Variants in SERPINC1 observed in about 807,000 individuals in gnomAD.
SERPINC1 encodes antithrombin-III.
In SERPINC1, 12 loss-of-function variants were observed where a neutral mutation model predicts 43.4. That is an observed-to-expected ratio of 0.28 (90% CI 0.18 to 0.45). SERPINC1 has a LOEUF of 0.45. Among genes scored for constraint, SERPINC1 ranks in the 20% least tolerant of loss-of-function variants. The pLI is 1.00. For synonymous variants in SERPINC1, 210 were observed against 218.9 expected (o/e 0.96, Z 0.36); for missense variants, 423 against 578.8 (o/e 0.73, Z 2.76).
rs1428296288 is a variant in SERPINC1, at chr1:173,909,411, T to G, written c.1153+141A>C. Reference sequence around the variant, plus strand: ...TGAGGTCTCAAAAGGAAAAGAGATTTCCACAAATTAGCAGTAGAAACTAGG... The same window carrying G: ...TGAGGTCTCAAAAGGAAAAGAGATTGCCACAAATTAGCAGTAGAAACTAGG... On this transcript the variant is annotated intron_variant, in intron 5 of 6. Transcript: ENST00000367698. 2.0e-5 allele frequency: 17 copies of G among 863,214 alleles called. No homozygotes were observed. In the African/African-American group the frequency reaches 2.4e-4, roughly 12 times the overall value. The allele number at this position is 863,214 out of a possible 1,614,324, so 53.5% of individuals were successfully genotyped here.
chr1:173,915,158 T>C, intron 1 of SERPINC1: 1 of 1,412,270 alleles, frequency 7.1e-7, no homozygotes, highest in Non-Finnish European at 9.2e-7. Context: ...TGATGGTTAT[T>C]TGGAGTATTA....
Position 173,903,956 on chromosome 1 carries a change from A to C in SERPINC1, c.1328T>G (p.Phe443Cys). 6.2e-7 allele frequency: 1 copy of C among 1,614,212 alleles called. No individual in the cohort carries two copies. Among genetic ancestry groups the C allele is most frequent in the Non-Finnish European group, 8.5e-7 (1 of 1,180,022 alleles). Residue 443 changes from phenylalanine (F) to cysteine (C), a missense_variant, in exon 7 of 7, where the codon TTT (phenylalanine) becomes TGT (cysteine). By Grantham distance (205) the Phe-to-Cys change is radical. Coordinates refer to ENST00000367698, the MANE Select transcript of SERPINC1 (RefSeq NM_000488.4). ...AGTGTTCAGAGGAACTTCTCTTATA[A>C]AAACCAGGAAAGGCCTGTTGGCCTT... ...TFKANRPFLV[F>C]IREVPLNTII...
rs2227618 is a variant in SERPINC1 at position 173,904,376 on chromosome 1, C to T, written c.1219-311G>A. Among the ~76,000 whole-genome samples the T allele has an allele frequency of 2.6e-3, 392 of 152,140 alleles. 2 individuals carry two copies. The highest frequency in any genetic ancestry group is 8.6e-3 in the African/African-American group (357 of 41,512). On this transcript the variant is annotated intron_variant, in intron 6 of 6. Transcript: ENST00000367698. ...GGTACCATTGTAAATGGTTTTACAGCGGATTTTTTTTGTACCAGCCGCTGA... is the reference window on the plus strand; with the variant it reads ...GGTACCATTGTAAATGGTTTTACAGTGGATTTTTTTTGTACCAGCCGCTGA...
chr1:173,915,544 C>T (rs546677911), intron 1 of SERPINC1, among the ~76,000 whole-genome samples: 10 of 152,120 alleles, frequency 6.6e-5, no homozygotes, highest in Admixed American at 2.6e-4. Flanking sequence ...GGTGTGGTGG[C>T]GCACACCTGT....
rs58759841 is a variant in SERPINC1 at position 173,905,724 on chromosome 1, GA to G, written c.1219-1660del. 7.9e-4 allele frequency among the ~76,000 whole-genome samples: 117 copies of G among 147,876 alleles called. 2 individuals carry two copies. In the East Asian group the frequency reaches 0.017, roughly 22 times the overall value. ...CGAGAGAGCAAGACTCCATTTCAAT[GA>G]AAAAAAAAAATCTCATTAGGAGACC... On this transcript the variant is annotated intron_variant, in intron 6 of 6. Transcript: ENST00000367698.
intron 6 of SERPINC1, among the ~76,000 whole-genome samples, chr1:173,904,318 T>G (rs1657392511): frequency 6.6e-6 from 1 of 152,164 alleles, no homozygotes; most frequent in African/African-American, 2.4e-5. Flanking sequence ...AACCCAGAAA[T>G]CTGAATGTAC....
At chr1:173,905,207 C>A (rs1423126599) in intron 6 of SERPINC1, among the ~76,000 whole-genome samples, 3 of 152,160 alleles carry the variant, frequency 2.0e-5, no homozygotes, top group African/African-American at 7.2e-5. Flanking sequence ...TTCCAAAAAT[C>A]CATGTGAAAG....
intron 3 of SERPINC1, among the ~76,000 whole-genome samples, chr1:173,911,473 C>T (rs190843891): frequency 1.3e-5 from 2 of 152,164 alleles, no homozygotes; most frequent in Non-Finnish European, 2.9e-5. Context: ...TTTATTTGAC[C>T]ATGATAACAG....
intron 1 of SERPINC1, among the ~76,000 whole-genome samples, chr1:173,916,508 A>T (rs961708198): frequency 9.2e-5 from 14 of 152,340 alleles, no homozygotes; most frequent in African/African-American, 2.9e-4. Context: ...AGGCAGGCTG[A>T]AGAAGCAGAG....
intron 2 of SERPINC1, among the ~76,000 whole-genome samples, chr1:173,913,819 C>T (rs1409511027): frequency 2.0e-5 from 3 of 149,786 alleles, no homozygotes; most frequent in East Asian, 2.0e-4. Context: ...CGTGCCACTG[C>T]GCTCCAGCCT....
intron 1 of SERPINC1, 70 bp from the exon 2 acceptor site, chr1:173,914,989 C>G: frequency 6.4e-7 from 1 of 1,571,296 alleles, no homozygotes. Flanking sequence ...CACAGGGTTG[C>G]CCCAGTAAAG....
intron 6 of SERPINC1, among the ~76,000 whole-genome samples, chr1:173,904,721 C>T (rs1657416297): frequency 6.6e-6 from 1 of 152,156 alleles, no homozygotes; most frequent in Non-Finnish European, 1.5e-5. Flanking sequence ...TTTTGTGGAG[C>T]TGGTTGATGA....
chr1:173,910,186 GTACA>G (rs1291095144), intron 4 of SERPINC1, among the ~76,000 whole-genome samples: 5 of 152,154 alleles, frequency 3.3e-5, no homozygotes, highest in Non-Finnish European at 7.3e-5. Flanking sequence ...ACAGACTGTG[GTACA>G]TCCAGACCAA....
chr1:173,906,905 A>G (rs570129574), intron 6 of SERPINC1, among the ~76,000 whole-genome samples: 1 of 151,982 alleles, frequency 6.6e-6, no homozygotes, highest in African/African-American at 2.4e-5. Flanking sequence ...ATCACCTGAG[A>G]TCGGGAGTTC....
chr1:173,911,514 G>T (rs942645286), intron 3 of SERPINC1, among the ~76,000 whole-genome samples: 1 of 152,140 alleles, frequency 6.6e-6, no homozygotes, highest in African/African-American at 2.4e-5. Flanking sequence ...TTGTAGAACT[G>T]GCATCTTCAA....
In SERPINC1 at chr1:173,911,997, G is replaced by T. The variant is rs199525344; in HGVS notation, c.426C>A (p.Thr142=). The T allele has an allele frequency of 3.7e-6, 6 of 1,613,898 alleles. No homozygotes were observed. Among genetic ancestry groups the T allele is most frequent in the East Asian group, 2.2e-5 (1 of 44,884 alleles). ...TCTGATCAGATGTTTTCTCAGATAT[G>T]GTGTCAAACTTAAATACCTATAGAA... The part of the protein sequence containing the change: ...QQLMEVFKFD[T]ISEKTSDQIH... The change falls in exon 3 of 7, where the codon ACC becomes ACA. Residue 142 remains threonine, a synonymous_variant. Transcript: ENST00000367698.
chr1:173,917,113 G>A, intron 1 of SERPINC1, 106 bp downstream of exon 1: 1 of 945,856 alleles, frequency 1.1e-6, no homozygotes, highest in Non-Finnish European at 1.7e-6. Context: ...TAACTACCAG[G>A]GAGAGGGCCT....
Position 173,914,603 on chromosome 1 carries a change from C to A in SERPINC1, c.358G>T (p.Ala120Ser). ...LSPLSISTAF[A>S]MTKLGACNDT... ...TTACAGGCACCCAGCTTGGTCATAG[C>A]AAAAGCCGTGGAGATACTCAGGGGT... The change falls in exon 2 of 7, where the codon GCT (alanine) becomes TCT (serine). Residue 120 changes from alanine (A) to serine (S), a missense_variant. Ala to Ser is a moderately conservative substitution (Grantham distance 99). Transcript: ENST00000367698. 1 of 1,614,174 alleles carries A rather than the reference C, an allele frequency of 6.2e-7. No individual in the cohort carries two copies. The highest frequency in any genetic ancestry group is 8.5e-7 in the Non-Finnish European group (1 of 1,180,038).
chr1:173,912,025 CA>C lies in SERPINC1; in HGVS notation c.409-12del, dbSNP rs201656611. On this transcript the variant is annotated splice_polypyrimidine_tract_variant and intron_variant, in intron 2 of 6. Transcript: ENST00000367698. ...GTCAAACTTAAATACCTATAGAAGT[CA>C]AAAAAAAATGGTGGTGGGTTTGGTG... The C allele has an allele frequency of 1.0e-3, 1,543 of 1,550,066 alleles. No individual in the cohort carries two copies. Among genetic ancestry groups the C allele is most frequent in the Middle Eastern group, 1.4e-3 (8 of 5,818 alleles).
Sources: gnomAD v4.1 joint callset for allele counts (sites outside exome capture counted in the v4.1 genomes callset) on GRCh38, gnomAD v4.1.1 for gene constraint, MANE v1.5 for transcripts, NCBI Gene and HGNC (gene_info 2026-07-23, HGNC 2026-07-21) for gene names.